The following CLDN23 variants were observed in gnomAD, a reference collection of about 807,000 sequenced individuals.
CLDN23 encodes claudin 23, also known as claudin-23.
CLDN23 carries 3 observed loss-of-function variants against 1.4 expected under a neutral mutation model. The ratio of observed to expected loss-of-function variants is 2.10; its 90% CI spans 0.96 to 5.43. The LOEUF is 5.43. Ranked by LOEUF, CLDN23 falls within the 30% of genes most tolerant of loss-of-function variation. The pLI is 0.02. For missense variants in CLDN23, 597 were observed against 433.5 expected (o/e 1.38, Z -3.35); for synonymous variants, 291 against 209.9 (o/e 1.39, Z -3.34).
chr8:8,703,717 C>CT lies in CLDN23; in HGVS notation c.*441dup, dbSNP rs1193548433. ...TGTATAACTCCTTGCCATGCAAACTCTCAAGAGGCCAATATATTCCTGGCC... is the reference window on the plus strand; with the variant it reads ...TGTATAACTCCTTGCCATGCAAACTCTTCAAGAGGCCAATATATTCCTGGCC... On this transcript the variant is annotated 3_prime_UTR_variant, in exon 1 of 1. Coordinates refer to ENST00000519106, the MANE Select transcript of CLDN23 (RefSeq NM_194284.3). The CT allele has an allele frequency of 1.8e-5, 3 of 169,050 alleles. No individual in the cohort carries two copies. The highest frequency in any genetic ancestry group is 7.2e-5 in the African/African-American group (3 of 41,494). 10.5% of individuals were successfully genotyped at this position (169,050 alleles called of 1,614,324 possible). A position where few individuals can be genotyped will look rare whatever the true frequency, so the allele number is the denominator to read the frequency against.
rs1189304657 is a variant in CLDN23, at chr8:8,702,545, G to A, written c.147G>A (p.Leu49=). The A allele has an allele frequency of 6.2e-7, 1 of 1,611,888 alleles. No homozygotes were observed. The highest frequency in any genetic ancestry group is 1.7e-5 in the Admixed American group (1 of 59,924). ...QPVDVELYQG[L]WDMCREQSSR... The stretch of plus-strand genomic sequence containing the variant: ...TGGACGTGGAGTTGTACCAGGGCCT[G>A]TGGGACATGTGTCGCGAGCAGAGCA... Residue 49 remains leucine (L), a synonymous_variant, in exon 1 of 1, where the codon CTG becomes CTA. Transcript: ENST00000519106.
Position 8,702,887 on chromosome 8 carries a change from C to G in CLDN23, c.489C>G (p.Gly163=), listed in dbSNP as rs369849897. The change falls in exon 1 of 1, where the codon GGC becomes GGG. Residue 163 remains glycine (G), a synonymous_variant. Transcript: ENST00000519106. ...AGGTCAGCTACAGCCTGGTCCTGGG[C>G]TACCTGGGCAGCTGCCTCCTGCTGC... ...TVQVSYSLVL[G]YLGSCLLLLG... is the part of the protein sequence containing the mutation. 5.7e-6 allele frequency: 9 copies of G among 1,579,806 alleles called. No homozygotes were observed. The highest frequency in any genetic ancestry group is 1.3e-5 in the African/African-American group (1 of 74,162).
rs1428176991 is a variant in CLDN23 at position 8,702,330 on chromosome 8, G to A, written c.-69G>A. ...GCCTGGGGCACGGCAGGGAGAAGACGACGGCGGAGAAGGCGACAGCGGAGA... is the reference window on the plus strand; with the variant it reads ...GCCTGGGGCACGGCAGGGAGAAGACAACGGCGGAGAAGGCGACAGCGGAGA... On this transcript the variant is annotated 5_prime_UTR_variant, in exon 1 of 1. Transcript: ENST00000519106. 5.5e-6 allele frequency: 8 copies of A among 1,446,374 alleles called. No individual in the cohort carries two copies. The African/African-American group carries it at 7.3e-5, about 13-fold the overall frequency. 89.6% of individuals were successfully genotyped at this position (1,446,374 alleles called of 1,614,324 possible).
Position 8,702,473 on chromosome 8 carries a change from CCTGGCGCCCGG to C in CLDN23, c.82_92del (p.Pro28AlafsTer339), listed in dbSNP as rs1563134744. On this transcript the variant is annotated frameshift_variant, in exon 1 of 1. Transcript: ENST00000519106. LOFTEE classifies it high-confidence loss of function. ...GGCTCCTGCTCAACCTGACCGGCAC[CCTGGCGCCCGG>C]CTGGCGGCTGGTGAAGGGCTTCCTG... The C allele has an allele frequency of 6.2e-7, 1 of 1,608,026 alleles. No homozygotes were observed.
rs1193626538 is a variant in CLDN23, at chr8:8,703,306, T to A, written c.*29T>A. ...CTTGTAGAGCCTGGGGGGCGCCGGGTGGCAAAGGACTCACCCCCGCACAGG... is the reference window on the plus strand; with the variant it reads ...CTTGTAGAGCCTGGGGGGCGCCGGGAGGCAAAGGACTCACCCCCGCACAGG... On this transcript the variant is annotated 3_prime_UTR_variant, in exon 1 of 1. Transcript: ENST00000519106. 1.4e-5 allele frequency: 19 copies of A among 1,362,082 alleles called. No homozygotes were observed. Among genetic ancestry groups the A allele is most frequent in the Non-Finnish European group, 1.7e-5 (18 of 1,052,074 alleles). 84.4% of individuals were successfully genotyped at this position (1,362,082 alleles called of 1,614,324 possible).
In CLDN23 at chr8:8,702,959, GC is replaced by G. The variant is rs749791844; in HGVS notation, c.562del (p.Arg188ValfsTer109). 1.9e-6 allele frequency: 3 copies of G among 1,565,114 alleles called. No individual in the cohort carries two copies. In the Admixed American group the frequency reaches 5.3e-5, roughly 28 times the overall value. ...TCAGCTTCGCGCCCTGGTGCGACGA[GC>G]GTTGTCGCCGCCGCCGCAAGGGACC... ...ALSFAPWCDE[R>X]CRRRRKGPSA... On this transcript the variant is annotated frameshift_variant, in exon 1 of 1. Coordinates refer to ENST00000519106, the MANE Select transcript of CLDN23 (RefSeq NM_194284.3). LOFTEE classifies it low-confidence loss of function (END_TRUNC).
In CLDN23 at chr8:8,702,854, C is replaced by G. The variant is rs775454425; in HGVS notation, c.456C>G (p.Val152=). 8 of 1,604,812 alleles carry G rather than the reference C, an allele frequency of 5.0e-6. No individual in the cohort carries two copies. In the South Asian group the frequency reaches 8.8e-5, roughly 18 times the overall value. ...TGCTGCCCGCCCCGGCCAGCCCGGT[C>G]ACGGTGCAGGTCAGCTACAGCCTGG... The part of the protein sequence containing the change: ...RDVLPAPASP[V]TVQVSYSLVL... Residue 152 remains valine, a synonymous_variant, in exon 1 of 1, where the codon GTC becomes GTG. Coordinates refer to ENST00000519106, the MANE Select transcript of CLDN23 (RefSeq NM_194284.3).
chr8:8,702,313 CACGGCAGGGAGAAGACG>C lies in CLDN23; in HGVS notation c.-80_-64del, dbSNP rs1802745002. The C allele has an allele frequency of 7.2e-7, 1 of 1,397,724 alleles. No individual in the cohort carries two copies. The highest frequency in any genetic ancestry group is 9.4e-7 in the Non-Finnish European group (1 of 1,067,594). 86.6% of individuals were successfully genotyped at this position (1,397,724 alleles called of 1,614,324 possible). A position where few individuals can be genotyped will look rare whatever the true frequency, so the allele number is the denominator to read the frequency against. On this transcript the variant is annotated 5_prime_UTR_variant, in exon 1 of 1. Transcript: ENST00000519106. ...GACTTCGGGTCCCCGGAGCCTGGGG[CACGGCAGGGAGAAGACG>C]ACGGCGGAGAAGGCGACAGCGGAGA...
Position 8,703,054 on chromosome 8 carries a change from C to A in CLDN23, c.656C>A (p.Pro219His). The A allele has an allele frequency of 6.5e-7, 1 of 1,527,832 alleles. No homozygotes were observed. Among genetic ancestry groups the A allele is most frequent in the South Asian group, 1.2e-5 (1 of 82,074 alleles). 94.6% of individuals were successfully genotyped at this position (1,527,832 alleles called of 1,614,324 possible). ...QVEWPEPDLA[P>H]AIKYYSDGQH... ...GAGTGGCCCGAGCCCGACCTGGCGCCCGCCATCAAGTACTACAGCGACGGC... is the reference window on the plus strand; with the variant it reads ...GAGTGGCCCGAGCCCGACCTGGCGCACGCCATCAAGTACTACAGCGACGGC... The change falls in exon 1 of 1, where the codon CCC (proline) becomes CAC (histidine). Residue 219 changes from proline (P) to histidine (H), a missense_variant. Coordinates refer to ENST00000519106, the MANE Select transcript of CLDN23 (RefSeq NM_194284.3).
rs560668302 is a variant in CLDN23, at chr8:8,702,385, C to G, written c.-14C>G. 16 of 1,479,748 alleles carry G rather than the reference C, an allele frequency of 1.1e-5. No homozygotes were observed. The highest frequency in any genetic ancestry group is 1.3e-5 in the Non-Finnish European group (15 of 1,119,864). The allele number at this position is 1,479,748 out of a possible 1,614,324, so 91.7% of individuals were successfully genotyped here. Reference sequence around the variant, plus strand: ...AGGCAGGCTGCAGGGGCGCCGTCGGCGCGGCGGGCCGGGATGCGGACGCCG... The same window carrying G: ...AGGCAGGCTGCAGGGGCGCCGTCGGGGCGGCGGGCCGGGATGCGGACGCCG... On this transcript the variant is annotated 5_prime_UTR_variant, in exon 1 of 1. Coordinates refer to ENST00000519106, the MANE Select transcript of CLDN23 (RefSeq NM_194284.3).
chr8:8,702,318 C>G lies in CLDN23; in HGVS notation c.-81C>G, dbSNP rs1227261117. On this transcript the variant is annotated 5_prime_UTR_variant, in exon 1 of 1. Coordinates refer to ENST00000519106, the MANE Select transcript of CLDN23 (RefSeq NM_194284.3). ...CGGGTCCCCGGAGCCTGGGGCACGG[C>G]AGGGAGAAGACGACGGCGGAGAAGG... The G allele has an allele frequency of 7.1e-7, 1 of 1,415,596 alleles. No homozygotes were observed. The highest frequency in any genetic ancestry group is 2.7e-5 in the Admixed American group (1 of 36,618). The allele number at this position is 1,415,596 out of a possible 1,614,324, so 87.7% of individuals were successfully genotyped here.
chr8:8,702,366 G>C lies in CLDN23; in HGVS notation c.-33G>C, dbSNP rs1802747925. The C allele has an allele frequency of 6.8e-7, 1 of 1,481,338 alleles. No homozygotes were observed. The highest frequency in any genetic ancestry group is 8.9e-7 in the Non-Finnish European group (1 of 1,122,002). 91.8% of individuals were successfully genotyped at this position (1,481,338 alleles called of 1,614,324 possible). A position where few individuals can be genotyped will look rare whatever the true frequency, so the allele number is the denominator to read the frequency against. On this transcript the variant is annotated 5_prime_UTR_variant, in exon 1 of 1. Transcript: ENST00000519106. The stretch of plus-strand genomic sequence containing the variant: ...AGGCGACAGCGGAGAAGGAAGGCAG[G>C]CTGCAGGGGCGCCGTCGGCGCGGCG...
chr8:8,702,661 T>C lies in CLDN23; in HGVS notation c.263T>C (p.Leu88Pro), dbSNP rs1360933383. ...GCGCGGGCACTCATGGTCACCTCGC[T>C]GGCCGCCACGGTCCTGGGGCTTCTG... ...LVARALMVTS[L>P]AATVLGLLLA... Residue 88 changes from leucine to proline, a missense_variant, in exon 1 of 1, where the codon CTG (leucine) becomes CCG (proline). Physicochemically the swap from Leu to Pro is moderately conservative, Grantham distance 98. Coordinates refer to ENST00000519106, the MANE Select transcript of CLDN23 (RefSeq NM_194284.3). 7 of 1,604,662 alleles carry C rather than the reference T, an allele frequency of 4.4e-6. No individual in the cohort carries two copies. Among genetic ancestry groups the C allele is most frequent in the South Asian group, 3.3e-5 (3 of 90,544 alleles).
Position 8,702,768 on chromosome 8 carries a change from G to A in CLDN23, c.370G>A (p.Ala124Thr), listed in dbSNP as rs571805093. The change falls in exon 1 of 1, where the codon GCT becomes ACT. Residue 124 changes from alanine to threonine, a missense_variant. Ala to Thr is a moderately conservative substitution (Grantham distance 58). Transcript: ENST00000519106. Reference sequence around the variant, plus strand: ...GCTCTCGGGCGTCGTGCTCTTCGTCGCTGGCCTCCTCGGCCTCATCCCGGT... The same window carrying A: ...GCTCTCGGGCGTCGTGCTCTTCGTCACTGGCCTCCTCGGCCTCATCCCGGT... ...AGLSGVVLFV[A>T]GLLGLIPVSW... 1 of 1,610,418 alleles carries A rather than the reference G, an allele frequency of 6.2e-7. No individual in the cohort carries two copies. Among genetic ancestry groups the A allele is most frequent in the African/African-American group, 1.3e-5 (1 of 75,016 alleles).
In CLDN23 at chr8:8,702,266, C is replaced by T. The variant is rs1802743050; in HGVS notation, c.-133C>T. On this transcript the variant is annotated 5_prime_UTR_variant, in exon 1 of 1. Coordinates refer to ENST00000519106, the MANE Select transcript of CLDN23 (RefSeq NM_194284.3). ...GCGATCAGGGCTCAGGAGCCCGACC[C>T]GGAGCCCGGGGCGTCCGCGCTGACT... 4 of 1,001,740 alleles carry T rather than the reference C, an allele frequency of 4.0e-6. No individual in the cohort carries two copies. Among genetic ancestry groups the T allele is most frequent in the African/African-American group, 3.4e-5 (2 of 59,076 alleles). 62.1% of individuals were successfully genotyped at this position (1,001,740 alleles called of 1,614,324 possible). A position where few individuals can be genotyped will look rare whatever the true frequency, so the allele number is the denominator to read the frequency against.
chr8:8,703,358 G>A lies in CLDN23; in HGVS notation c.*81G>A. The stretch of plus-strand genomic sequence containing the variant: ...CCGCCTGGCTTCGAGTTGGAACCCG[G>A]ACACTTGCCCCTCACTGGTGTGGAT... On this transcript the variant is annotated 3_prime_UTR_variant, in exon 1 of 1. Transcript: ENST00000519106. 2.4e-6 allele frequency: 3 copies of A among 1,261,130 alleles called. 1 individual carries two copies. In the Middle Eastern group the frequency reaches 6.3e-4, roughly 267 times the overall value. 78.1% of individuals were successfully genotyped at this position (1,261,130 alleles called of 1,614,324 possible). A position where few individuals can be genotyped will look rare whatever the true frequency, so the allele number is the denominator to read the frequency against.
In CLDN23 at chr8:8,703,042, C is replaced by T. The variant is rs1802796301; in HGVS notation, c.644C>T (p.Pro215Leu). Residue 215 changes from proline to leucine, a missense_variant, in exon 1 of 1, where the codon CCC becomes CTC. Transcript: ENST00000519106. ...VSTIQVEWPE[P>L]DLAPAIKYYS... ...ACCATCCAAGTGGAGTGGCCCGAGCCCGACCTGGCGCCCGCCATCAAGTAC... is the reference window on the plus strand; with the variant it reads ...ACCATCCAAGTGGAGTGGCCCGAGCTCGACCTGGCGCCCGCCATCAAGTAC... 6.5e-7 allele frequency: 1 copy of T among 1,530,766 alleles called. No individual in the cohort carries two copies. The highest frequency in any genetic ancestry group is 8.7e-7 in the Non-Finnish European group (1 of 1,144,410). 94.8% of individuals were successfully genotyped at this position (1,530,766 alleles called of 1,614,324 possible).
In CLDN23 at chr8:8,703,103, G is replaced by C; in HGVS notation, c.705G>C (p.Gln235His). Residue 235 changes from glutamine (Q) to histidine (H), a missense_variant, in exon 1 of 1, where the codon CAG (glutamine) becomes CAC (histidine). Physicochemically the swap from Gln to His is conservative, Grantham distance 24. Transcript: ENST00000519106. ...GCCAGCACCGACCGCCGCCTGCCCA[G>C]CACCGCAAGCCCAAGCCCAAGCCCA... ...SDGQHRPPPA[Q>H]HRKPKPKPKV... 6.5e-7 allele frequency: 1 copy of C among 1,540,156 alleles called. No individual in the cohort carries two copies. The highest frequency in any genetic ancestry group is 1.2e-5 in the South Asian group (1 of 83,024).
rs747658964 is a variant in CLDN23 at position 8,702,596 on chromosome 8, G to A, written c.198G>A (p.Thr66=). The change falls in exon 1 of 1, where the codon ACG becomes ACA. Residue 66 remains threonine, a synonymous_variant. Coordinates refer to ENST00000519106, the MANE Select transcript of CLDN23 (RefSeq NM_194284.3). ...QSSRERECGQ[T]DQWGYFEAQP... is the part of the protein sequence containing the mutation. ...GCCGCGAGCGCGAGTGCGGCCAGACGGACCAGTGGGGCTACTTCGAGGCCC... is the reference window on the plus strand; with the variant it reads ...GCCGCGAGCGCGAGTGCGGCCAGACAGACCAGTGGGGCTACTTCGAGGCCC... 6.2e-7 allele frequency: 1 copy of A among 1,607,152 alleles called. No homozygotes were observed. Among genetic ancestry groups the A allele is most frequent in the Non-Finnish European group, 8.5e-7 (1 of 1,176,566 alleles).
Sources: gnomAD v4.1 joint callset for allele counts on GRCh38, gnomAD v4.1.1 for gene constraint, MANE v1.5 for transcripts, NCBI Gene and HGNC (gene_info 2026-07-23, HGNC 2026-07-21) for gene names.